Variants in RREB1 observed in about 807,000 individuals in gnomAD.
RREB1 encodes ras-responsive element-binding protein 1.
In RREB1, 27 loss-of-function variants were observed where a neutral mutation model predicts 117.8. The observed-to-expected ratio is 0.23, with a 90% CI of 0.17 to 0.32. The LOEUF is 0.32. Among genes scored for constraint, RREB1 ranks in the 10% least tolerant of loss-of-function variants. The pLI, the probability that RREB1 is intolerant of heterozygous loss-of-function variation, is 1.00. For synonymous variants in RREB1, 1,298 were observed against 1,026.7 expected (o/e 1.26, Z -5.05); for missense variants, 2,577 against 2,378.2 (o/e 1.08, Z -1.74).
intron 1 of RREB1, among the ~76,000 whole-genome samples, chr6:7,160,098 A>G (rs897723809): frequency 1.3e-5 from 2 of 150,684 alleles, no homozygotes; most frequent in African/African-American, 5.0e-5. Context: ...TTAAGGACTG[A>G]AATTTGATCA....
rs370598103 is a variant in RREB1 at position 7,231,089 on chromosome 6, C to T, written c.2990C>T (p.Pro997Leu). The T allele has an allele frequency of 1.9e-5, 31 of 1,613,270 alleles. No homozygotes were observed. The highest frequency in any genetic ancestry group is 3.3e-4 in the Middle Eastern group (2 of 6,044). ...CTGGAAAGCCCCATGGCCCCTGCTC[C>T]GGCGGCCACCCCGGAACCCCCAGCA... The part of the protein sequence containing the change: ...GILESPMAPA[P>L]AATPEPPAQP... The change falls in exon 10 of 13, where the codon CCG becomes CTG. Residue 997 changes from proline to leucine, a missense_variant. Pro to Leu is a moderately conservative substitution (Grantham distance 98). Coordinates refer to ENST00000379938, the MANE Select transcript of RREB1 (RefSeq NM_001003699.4).
chr6:7,210,427 T>G (rs918363233), intron 6 of RREB1, among the ~76,000 whole-genome samples: 1 of 152,240 alleles, frequency 6.6e-6, no homozygotes, highest in Non-Finnish European at 1.5e-5. Flanking sequence ...GTTTATGAAC[T>G]AGTGGAACAG....
At chr6:7,240,190 T>TA (rs746660446) in intron 10 of RREB1, among the ~76,000 whole-genome samples, 5 of 152,198 alleles carry the variant, frequency 3.3e-5, no homozygotes, top group Non-Finnish European at 7.3e-5. Context: ...TAAATGTATA[T>TA]TTTTCAGTTT....
At chr6:7,123,314 G>A (rs985016817) in intron 1 of RREB1, among the ~76,000 whole-genome samples, 6 of 151,816 alleles carry the variant, frequency 4.0e-5, no homozygotes, top group Non-Finnish European at 5.9e-5. Flanking sequence ...GGCGCGTGCC[G>A]CCACGCCCAG....
At chr6:7,244,641 A>T (rs1768903107) in intron 11 of RREB1, among the ~76,000 whole-genome samples, 1 of 152,214 alleles carries the variant, frequency 6.6e-6, no homozygotes, top group African/African-American at 2.4e-5. Flanking sequence ...AAAATGTTAT[A>T]TTCACACCAT....
chr6:7,171,120 C>G (rs889321129), intron 1 of RREB1, among the ~76,000 whole-genome samples: 1 of 152,208 alleles, frequency 6.6e-6, no homozygotes, highest in Non-Finnish European at 1.5e-5. Flanking sequence ...CTAGACTGTT[C>G]AGGATTCAGG....
chr6:7,211,059 T>C (rs1766557264), intron 7 of RREB1, 111 bp downstream of exon 7: 1 of 1,071,156 alleles, frequency 9.3e-7, no homozygotes, highest in Non-Finnish European at 1.3e-6. Context: ...TCCTAAGCTC[T>C]TAACGTGTGT....
At position 7,126,111 on chromosome 6, in the gene RREB1, C is replaced by T. The variant is rs190467788; in HGVS notation, c.-285+18051C>T. On this transcript the variant is annotated intron_variant, in intron 1 of 12. Coordinates refer to ENST00000379938, the MANE Select transcript of RREB1 (RefSeq NM_001003699.4). ...CCGCCTCCCGGGTTCAAGTGATTCTCCTGCCTCAGCCTCCTGAGTAGCTGG... is the reference window on the plus strand; with the variant it reads ...CCGCCTCCCGGGTTCAAGTGATTCTTCTGCCTCAGCCTCCTGAGTAGCTGG... Among the ~76,000 whole-genome samples, 527 of 152,218 alleles carry T rather than the reference C, an allele frequency of 3.5e-3. 6 individuals carry two copies. The highest frequency in any genetic ancestry group is 0.012 in the African/African-American group (496 of 41,526).
intron 1 of RREB1, among the ~76,000 whole-genome samples, chr6:7,160,249 A>C (rs1033753827): frequency 6.6e-6 from 1 of 152,018 alleles, no homozygotes; most frequent in Non-Finnish European, 1.5e-5. Flanking sequence ...GGGTCTTGCT[A>C]TATTGCCCAA....
At chr6:7,208,030 A>G (rs1391158361) in intron 6 of RREB1, among the ~76,000 whole-genome samples, 1 of 152,178 alleles carries the variant, frequency 6.6e-6, no homozygotes, top group Non-Finnish European at 1.5e-5. Context: ...TGCAGAGTAG[A>G]GGGCTGAATC....
chr6:7,170,585 G>A (rs1561758278), intron 1 of RREB1, among the ~76,000 whole-genome samples: 2 of 152,244 alleles, frequency 1.3e-5, no homozygotes, highest in Non-Finnish European at 2.9e-5. Context: ...CCCAGGCCAT[G>A]TGGTTTTGCC....
At chr6:7,161,648 T>C (rs989561580) in intron 1 of RREB1, among the ~76,000 whole-genome samples, 6 of 152,226 alleles carry the variant, frequency 3.9e-5, no homozygotes, top group Admixed American at 3.9e-4. Flanking sequence ...GTTATAGATA[T>C]TTATTTGTAG....
rs780527620 is a variant in RREB1 at position 7,230,720 on chromosome 6, C to G, written c.2621C>G (p.Pro874Arg). The G allele has an allele frequency of 6.3e-7, 1 of 1,598,230 alleles. No homozygotes were observed. Among genetic ancestry groups the G allele is most frequent in the African/African-American group, 1.3e-5 (1 of 74,490 alleles). ...EPQNGFLHRG[P>R]TQPPPPHVSI... ...CAGAACGGCTTTCTTCACAGGGGCC[C>G]CACCCAGCCTCCACCTCCCCATGTC... Residue 874 changes from proline to arginine, a missense_variant, in exon 10 of 13, where the codon CCC becomes CGC. Physicochemically the swap from Pro to Arg is moderately radical, Grantham distance 103 (BLOSUM62 -2). Transcript: ENST00000379938.
At chr6:7,206,995 G>T (rs964565173) in intron 6 of RREB1, among the ~76,000 whole-genome samples, 1 of 152,192 alleles carries the variant, frequency 6.6e-6, no homozygotes, top group Non-Finnish European at 1.5e-5. Flanking sequence ...ACTGTCAGAG[G>T]AATTTAAGCA....
intron 6 of RREB1, among the ~76,000 whole-genome samples, chr6:7,201,041 C>T (rs1765945736): frequency 6.6e-6 from 1 of 152,198 alleles, no homozygotes; most frequent in East Asian, 1.9e-4. Flanking sequence ...CACACTTGAA[C>T]AGCAGGCAGT....
chr6:7,162,714 A>C (rs946550265), intron 1 of RREB1, among the ~76,000 whole-genome samples: 20 of 152,140 alleles, frequency 1.3e-4, no homozygotes, highest in African/African-American at 4.8e-4. Context: ...TTTTAACAAC[A>C]TGCTGAGAAT....
chr6:7,185,386 A>G (rs931863607), intron 4 of RREB1: 3 of 152,178 alleles, frequency 2.0e-5, no homozygotes, highest in African/African-American at 4.8e-5. Context: ...CCTGGCCAAC[A>G]TGGCAAAACC....
In RREB1 at chr6:7,231,682, C is replaced by T; in HGVS notation, c.3583C>T (p.Pro1195Ser). 1.2e-6 allele frequency: 2 copies of T among 1,612,054 alleles called. No homozygotes were observed. The highest frequency in any genetic ancestry group is 1.7e-6 in the Non-Finnish European group (2 of 1,178,720). Residue 1195 changes from proline (P) to serine (S), a missense_variant, in exon 10 of 13, where the codon CCG becomes TCG. Transcript: ENST00000379938. ...LATTDTNKFS[P>S]FLQTAEDNTQ... Reference sequence around the variant, plus strand: ...CACCACAGACACCAACAAGTTCAGTCCGTTTCTGCAGACAGCGGAGGACAA... The same window carrying T: ...CACCACAGACACCAACAAGTTCAGTTCGTTTCTGCAGACAGCGGAGGACAA...
At chr6:7,189,345 T>TG (rs765119182) in intron 6 of RREB1, 23 bp downstream of exon 6, 7 of 1,548,680 alleles carry the variant, frequency 4.5e-6, no homozygotes, top group East Asian at 2.4e-5. Flanking sequence ...GCCCTTTGCT[T>TG]GGGGGGTTGG....
Sources: gnomAD v4.1 joint callset for allele counts (sites outside exome capture counted in the v4.1 genomes callset) on GRCh38, gnomAD v4.1.1 for gene constraint, MANE v1.5 for transcripts, NCBI Gene and HGNC (gene_info 2026-07-23, HGNC 2026-07-21) for gene names.